The following MFSD12 variants were observed in gnomAD, a reference collection of about 807,000 sequenced individuals.
MFSD12 encodes major facilitator superfamily domain containing 12, also known as major facilitator superfamily domain-containing protein 12.
MFSD12 carries 67 observed loss-of-function variants against 51.2 expected under a neutral mutation model. That is an observed-to-expected ratio of 1.31 (90% CI 1.08 to 1.60). MFSD12 has a LOEUF of 1.60. Ranked by LOEUF, MFSD12 falls within the 40% of genes most tolerant of loss-of-function variation. The pLI is 0.00. For synonymous variants in MFSD12, 441 were observed against 316.7 expected (o/e 1.39, Z -4.17); for missense variants, 921 against 673.0 (o/e 1.37, Z -4.08).
In MFSD12 at chr19:3,544,657, ATCCTCGTGCGTCCCCACAG is replaced by A; in HGVS notation, c.*34_*52del. 6.5e-7 allele frequency: 1 copy of A among 1,549,992 alleles called. No homozygotes were observed. Reference sequence around the variant, plus strand: ...GCTTTTCCCCAAGGCCCTGGGGGGCATCCTCGTGCGTCCCCACAGTTCCCTTGCACAGGTGCAGGAGGCT... The same window carrying A: ...GCTTTTCCCCAAGGCCCTGGGGGGCATTCCCTTGCACAGGTGCAGGAGGCT... On this transcript the variant is annotated 3_prime_UTR_variant, in exon 10 of 10. Transcript: ENST00000355415.
rs2031494589 is a variant in MFSD12, at chr19:3,551,889, T to G, written c.299-695A>C. ...CAGGTCTCCTCACTGCAGGACCTCTTCAACATGCCAGGCGGTCCTGCCCCC... is the reference window on the plus strand; with the variant it reads ...CAGGTCTCCTCACTGCAGGACCTCTGCAACATGCCAGGCGGTCCTGCCCCC... On this transcript the variant is annotated intron_variant, in intron 1 of 9. Transcript: ENST00000355415. This position sits in a 1 kb window ranked among gnomAD's most constrained non-coding sequence, Gnocchi z 4.6. Among the ~76,000 whole-genome samples, 1 of 152,124 alleles carries G rather than the reference T, an allele frequency of 6.6e-6. No homozygotes were observed. The highest frequency in any genetic ancestry group is 2.1e-4 in the South Asian group (1 of 4,828).
chr19:3,548,267 CCTGGCGGG>C lies in MFSD12; in HGVS notation c.510-8_510-1del. On this transcript the variant is annotated splice_acceptor_variant and splice_polypyrimidine_tract_variant and intron_variant, in intron 2 of 9. Coordinates refer to ENST00000355415, the MANE Select transcript of MFSD12 (RefSeq NM_174983.5). LOFTEE classifies it high-confidence loss of function. Reference sequence around the variant, plus strand: ...TGTTGGCCACCACGGTGAACGCATACCTGGCGGGCAGGCGGGCAGGGACTCAACAAGAC... The same window carrying C: ...TGTTGGCCACCACGGTGAACGCATACCAGGCGGGCAGGGACTCAACAAGAC... The C allele has an allele frequency of 1.9e-6, 3 of 1,548,316 alleles. No homozygotes were observed. The highest frequency in any genetic ancestry group is 2.6e-6 in the Non-Finnish European group (3 of 1,147,356).
chr19:3,542,561 C>G (rs781437253), downstream of MFSD12: 10 of 829,064 alleles, frequency 1.2e-5, no homozygotes, highest in Non-Finnish European at 1.5e-5. Flanking sequence ...GCAAACTCCA[C>G]TTCCTGGGTT....
chr19:3,541,473 C>T (rs1355822720), downstream of MFSD12: 2 of 162,442 alleles, frequency 1.2e-5, no homozygotes, highest in Non-Finnish European at 2.6e-5. Flanking sequence ...CAGGCACCCA[C>T]CACCACGCCC....
At chr19:3,542,800 T>A (rs747820420), downstream of MFSD12, 1 of 1,371,020 alleles carries the variant, frequency 7.3e-7, no homozygotes, top group South Asian at 1.1e-5. Flanking sequence ...CCCCCAGTCT[T>A]CCCTGGGCCA....
chr19:3,546,429 C>A lies in MFSD12; in HGVS notation c.1024-4G>T. On this transcript the variant is annotated splice_region_variant and splice_polypyrimidine_tract_variant and intron_variant, in intron 6 of 9. Coordinates refer to ENST00000355415, the MANE Select transcript of MFSD12 (RefSeq NM_174983.5). ...GGAGGCCTGAGAAGTAGGTCATCTG[C>A]AGGGACAGCCCCGGGGTCAGGCCCA... 1 of 1,601,616 alleles carries A rather than the reference C, an allele frequency of 6.2e-7. No individual in the cohort carries two copies. Among genetic ancestry groups the A allele is most frequent in the Admixed American group, 1.7e-5 (1 of 58,450 alleles).
chr19:3,541,443 C>G (rs2030405298), downstream of MFSD12: 1 of 152,238 alleles, frequency 6.6e-6, no homozygotes, highest in Non-Finnish European at 1.5e-5. Context: ...CTGCCTCAGC[C>G]TCCTGAGTAG....
chr19:3,556,992 G>GTGAAAACTC (rs71166909), intron 1 of MFSD12, 114 bp downstream of exon 1: 1 of 1,034,542 alleles, frequency 9.7e-7, no homozygotes. Context: ...AGACCGAGGG[G>GTGAAAACTC]AGACTCCGAT....
chr19:3,544,994 C>A lies in MFSD12; in HGVS notation c.1290-55G>T, dbSNP rs572563150. On this transcript the variant is annotated intron_variant, in intron 8 of 9. Coordinates refer to ENST00000355415, the MANE Select transcript of MFSD12 (RefSeq NM_174983.5). ...ACCGCGGGTACCACCCCCCCGCCACCCAAGCTGAACCTGTGCCTCCCCTCA... is the reference window on the plus strand; with the variant it reads ...ACCGCGGGTACCACCCCCCCGCCACACAAGCTGAACCTGTGCCTCCCCTCA... 6.1e-5 allele frequency: 94 copies of A among 1,536,066 alleles called. 6 individuals are homozygous for A. In the South Asian group the frequency reaches 1.1e-3, roughly 18 times the overall value.
rs2030753071 is a variant in MFSD12 at position 3,544,354 on chromosome 19, C to G, written c.*356G>C. On this transcript the variant is annotated 3_prime_UTR_variant, in exon 10 of 10. Transcript: ENST00000355415. Reference sequence around the variant, plus strand: ...AGGGGGCCCTGGCAGTGTCTGGAGACCCCCAGGCTGGAGGTGAGGGGTGAA... The same window carrying G: ...AGGGGGCCCTGGCAGTGTCTGGAGAGCCCCAGGCTGGAGGTGAGGGGTGAA... 5 of 1,275,950 alleles carry G rather than the reference C, an allele frequency of 3.9e-6. No homozygotes were observed. In the East Asian group the frequency reaches 1.6e-4, roughly 40 times the overall value. 79.0% of individuals were successfully genotyped at this position (1,275,950 alleles called of 1,614,324 possible).
chr19:3,550,397 G>T (rs1423582206), intron 2 of MFSD12, among the ~76,000 whole-genome samples: 5 of 144,794 alleles, frequency 3.5e-5, no homozygotes, highest in East Asian at 4.0e-4. Flanking sequence ...AAAACTTTTT[G>T]TTTTTTTTTT....
rs1271265739 is a variant in MFSD12, at chr19:3,551,039, G to C, written c.454C>G (p.Leu152Val). 2 of 1,612,968 alleles carry C rather than the reference G, an allele frequency of 1.2e-6. No homozygotes were observed. The highest frequency in any genetic ancestry group is 1.7e-6 in the Non-Finnish European group (2 of 1,180,014). ...TCGTTGGTGACGAGCTCCGGGATGAGGCTGAGGTGGGAGATCTGTGTGGAG... is the reference window on the plus strand; with the variant it reads ...TCGTTGGTGACGAGCTCCGGGATGACGCTGAGGTGGGAGATCTGTGTGGAG... ...WASTQISHLS[L>V]IPELVTNDHE... is the part of the protein sequence containing the mutation. The change falls in exon 2 of 10, where the codon CTC (leucine) becomes GTC (valine). Residue 152 changes from leucine (L) to valine (V), a missense_variant. Transcript: ENST00000355415. The surrounding 1 kb of genome is among the most constrained non-coding windows in gnomAD (Gnocchi z 4.6).
chr19:3,549,496 G>A (rs984335967), intron 2 of MFSD12, among the ~76,000 whole-genome samples: 2 of 152,146 alleles, frequency 1.3e-5, no homozygotes, highest in African/African-American at 4.8e-5. Flanking sequence ...GGCTGAGGCA[G>A]GCAGATCACT....
downstream of MFSD12, chr19:3,542,780 C>T (rs373412090): frequency 1.1e-4 from 149 of 1,366,110 alleles, no homozygotes; most frequent in Non-Finnish European, 1.4e-4. Context: ...ACACACCTGG[C>T]CTAGTGGGTC....
At chr19:3,543,633 G>T (rs1268862810), downstream of MFSD12, 5 of 1,544,142 alleles carry the variant, frequency 3.2e-6, no homozygotes, top group Admixed American at 2.0e-5. Flanking sequence ...AGCACCCGGT[G>T]GGGGAGCGCG....
chr19:3,543,557 T>C, downstream of MFSD12: 1 of 1,433,680 alleles, frequency 7.0e-7, no homozygotes, highest in Non-Finnish European at 9.3e-7. Flanking sequence ...CACCGCAGCC[T>C]ACACCCAGCA....
chr19:3,545,237 G>C (rs2030894341), intron 8 of MFSD12, among the ~76,000 whole-genome samples: 2 of 152,178 alleles, frequency 1.3e-5, no homozygotes, highest in African/African-American at 4.8e-5. Context: ...TTCTCCCCCA[G>C]CAGCTGTCCT....
Position 3,551,161 on chromosome 19 carries a change from A to G in MFSD12, c.332T>C (p.Ile111Thr), listed in dbSNP as rs747334266. ...CCCACAGCCCAGGCAGGGGCTGAAGATGAAGGGGAAGGACAGCAGGACGCA... is the reference window on the plus strand; with the variant it reads ...CCCACAGCCCAGGCAGGGGCTGAAGGTGAAGGGGAAGGACAGCAGGACGCA... ...TVCVLLSFPF[I>T]FSPCLGCGAA... Residue 111 changes from isoleucine to threonine, a missense_variant, in exon 2 of 10, where the codon ATC (isoleucine) becomes ACC (threonine). Ile to Thr is a moderately conservative substitution (Grantham distance 89). Coordinates refer to ENST00000355415, the MANE Select transcript of MFSD12 (RefSeq NM_174983.5). This position sits in a 1 kb window ranked among gnomAD's most constrained non-coding sequence, Gnocchi z 4.6. 1.2e-6 allele frequency: 2 copies of G among 1,611,982 alleles called. No individual in the cohort carries two copies. Among genetic ancestry groups the G allele is most frequent in the Non-Finnish European group, 1.7e-6 (2 of 1,179,592 alleles).
chr19:3,544,630 G>A lies in MFSD12; in HGVS notation c.*80C>T, dbSNP rs72976620. Reference sequence around the variant, plus strand: ...TCCAGAGAAGAGTGAGGGGCAGTGGGGGCTTTTCCCCAAGGCCCTGGGGGG... The same window carrying A: ...TCCAGAGAAGAGTGAGGGGCAGTGGAGGCTTTTCCCCAAGGCCCTGGGGGG... On this transcript the variant is annotated 3_prime_UTR_variant, in exon 10 of 10. Transcript: ENST00000355415. 129,574 of 1,520,850 alleles carry A rather than the reference G, an allele frequency of 0.085. 6,663 individuals carry two copies. Among genetic ancestry groups the A allele is most frequent in the Non-Finnish European group, 0.1 (116,042 of 1,132,642 alleles). 94.2% of individuals were successfully genotyped at this position (1,520,850 alleles called of 1,614,324 possible). A position where few individuals can be genotyped will look rare whatever the true frequency, so the allele number is the denominator to read the frequency against.
Sources: allele counts gnomAD v4.1 joint callset (sites outside exome capture counted in the v4.1 genomes callset), GRCh38; gene constraint gnomAD v4.1.1; non-coding constraint Gnocchi (gnomAD v3.1); transcripts MANE v1.5; gene names NCBI Gene and HGNC (gene_info 2026-07-23, HGNC 2026-07-21).